Variants in TNPO1 observed in about 807,000 individuals in gnomAD.
The protein encoded by TNPO1 is transportin-1.
TNPO1 carries 8 observed loss-of-function variants against 119.5 expected under a neutral mutation model. That is an observed-to-expected ratio of 0.07 (90% CI 0.04 to 0.12). The LOEUF is 0.12. Among genes scored for constraint, TNPO1 ranks in the 10% least tolerant of loss-of-function variants. The probability of loss-of-function intolerance (pLI) is 1.00; values close to 1 mark genes in which losing one functional copy is unlikely to be tolerated. For synonymous variants in TNPO1, 362 were observed against 363.0 expected (o/e 1.00, Z 0.03); for missense variants, 576 against 1,089.8 (o/e 0.53, Z 6.64).
chr5:72,867,692 A>G (rs927441775), intron 6 of TNPO1, among the ~76,000 whole-genome samples: 5 of 151,972 alleles, frequency 3.3e-5, no homozygotes, highest in African/African-American at 9.7e-5. Context: ...ACATTTCTTG[A>G]TAGATAATTT....
In TNPO1 at chr5:72,910,579, CT is replaced by C. The variant is rs1750494562; in HGVS notation, c.*1911del. Reference sequence around the variant, plus strand: ...AACAAAAATGTTAAGCCATAACAGCCTTTTTATATTTTAGTTTGTCACCTTT... The same window carrying C: ...AACAAAAATGTTAAGCCATAACAGCCTTTTATATTTTAGTTTGTCACCTTT... On this transcript the variant is annotated 3_prime_UTR_variant, in exon 25 of 25. Coordinates refer to ENST00000337273, the MANE Select transcript of TNPO1 (RefSeq NM_002270.4). 1 of 152,526 alleles carries C rather than the reference CT, an allele frequency of 6.6e-6. No homozygotes were observed. 9.4% of individuals were successfully genotyped at this position (152,526 alleles called of 1,614,324 possible). A position where few individuals can be genotyped will look rare whatever the true frequency, so the allele number is the denominator to read the frequency against.
chr5:72,889,697 T>G, intron 13 of TNPO1, 89 bp from the exon 14 acceptor site: 1 of 1,405,744 alleles, frequency 7.1e-7, no homozygotes, highest in Non-Finnish European at 9.5e-7. Flanking sequence ...AATTCCTGAT[T>G]GGGTAAAACA....
intron 1 of TNPO1, chr5:72,848,182 C>G: frequency 8.2e-7 from 1 of 1,213,796 alleles, no homozygotes; most frequent in Non-Finnish European, 1.0e-6. Context: ...CAGACGCTGG[C>G]GGCCGGGCTG....
At chr5:72,891,767 A>T (rs1749078757) in intron 14 of TNPO1, 43 bp from the exon 15 acceptor site, 2 of 1,381,124 alleles carry the variant, frequency 1.4e-6, no homozygotes, top group East Asian at 4.6e-5. Flanking sequence ...TCTTGTTGAC[A>T]TGTGATAGTG....
rs140505488 is a variant in TNPO1, at chr5:72,877,216, T to C, written c.802-12T>C. ...TTTAAACTGACTAATATTAAGGATATTGTGTTTCCAGTACATGCTACAGAG... is the reference window on the plus strand; with the variant it reads ...TTTAAACTGACTAATATTAAGGATACTGTGTTTCCAGTACATGCTACAGAG... On this transcript the variant is annotated splice_polypyrimidine_tract_variant and intron_variant, in intron 8 of 24. Coordinates refer to ENST00000337273, the MANE Select transcript of TNPO1 (RefSeq NM_002270.4). The C allele has an allele frequency of 7.0e-5, 102 of 1,462,384 alleles. No individual in the cohort carries two copies. The highest frequency in any genetic ancestry group is 9.1e-5 in the Non-Finnish European group (95 of 1,046,318). The allele number at this position is 1,462,384 out of a possible 1,614,324, so 90.6% of individuals were successfully genotyped here.
chr5:72,872,753 C>A, intron 7 of TNPO1, 33 bp downstream of exon 7: 1 of 1,506,084 alleles, frequency 6.6e-7, no homozygotes, highest in Non-Finnish European at 9.0e-7. Context: ...TCCCAACCCC[C>A]CAGCTTTTTT....
chr5:72,895,313 G>A (rs1652744684), intron 18 of TNPO1, among the ~76,000 whole-genome samples: 1 of 149,988 alleles, frequency 6.7e-6, no homozygotes, highest in Non-Finnish European at 1.5e-5. Flanking sequence ...CTTTATAGAT[G>A]GTATTGTGTA....
rs180966666 is a variant in TNPO1 at position 72,910,674 on chromosome 5, C to T, written c.*2001C>T. 30 of 152,534 alleles carry T rather than the reference C, an allele frequency of 2.0e-4. No individual in the cohort carries two copies. The highest frequency in any genetic ancestry group is 1.3e-3 in the East Asian group (7 of 5,186). 9.4% of individuals were successfully genotyped at this position (152,534 alleles called of 1,614,324 possible). ...GCTCCTCTTTGCATGGTTCTATTCT[C>T]TAAAAGTGTTGAATGATACAGCCAT... On this transcript the variant is annotated 3_prime_UTR_variant, in exon 25 of 25. Transcript: ENST00000337273.
chr5:72,898,556 T>A (rs1389345024), intron 20 of TNPO1, among the ~76,000 whole-genome samples: 1 of 152,146 alleles, frequency 6.6e-6, no homozygotes, highest in Non-Finnish European at 1.5e-5. Context: ...GTTTTTTAAT[T>A]ATTAAAATCA....
At position 72,912,737 on chromosome 5, in the gene TNPO1, C is replaced by T. The variant is rs190074257; in HGVS notation, c.*4064C>T. ...CCCTATATAAAATTATTCTGCCTAG[C>T]AGAAATGCCAGAAATAAATTAATTG... is the stretch of plus-strand genomic sequence containing the variant. On this transcript the variant is annotated 3_prime_UTR_variant, in exon 25 of 25. Transcript: ENST00000337273. 13 of 152,434 alleles carry T rather than the reference C, an allele frequency of 8.5e-5. No individual in the cohort carries two copies. The East Asian group carries it at 2.5e-3, about 29-fold the overall frequency. The allele number at this position is 152,434 out of a possible 1,614,324, so 9.4% of individuals were successfully genotyped here. A position where few individuals can be genotyped will look rare whatever the true frequency, so the allele number is the denominator to read the frequency against.
At chr5:72,835,249 T>C (rs574105468) in intron 1 of TNPO1, among the ~76,000 whole-genome samples, 5 of 152,384 alleles carry the variant, frequency 3.3e-5, no homozygotes, top group African/African-American at 1.2e-4. Context: ...CACCACTTGG[T>C]TTCCATTTTT....
intron 13 of TNPO1, among the ~76,000 whole-genome samples, chr5:72,889,402 A>G (rs1438593043): frequency 3.3e-5 from 5 of 152,234 alleles, no homozygotes; most frequent in African/African-American, 9.6e-5. Flanking sequence ...TGAAGCAGTC[A>G]TATCTGGAAG....
chr5:72,848,606 C>T (rs1477073629), intron 2 of TNPO1, 108 bp downstream of exon 2: 9 of 479,644 alleles, frequency 1.9e-5, no homozygotes, highest in East Asian at 4.3e-5. Context: ...CCTCCCCCAT[C>T]CTCCGAGACC....
rs1263401363 is a variant in TNPO1 at position 72,875,679 on chromosome 5, T to C, written c.743T>C (p.Val248Ala). 6.2e-7 allele frequency: 1 copy of C among 1,613,498 alleles called. No individual in the cohort carries two copies. Among genetic ancestry groups the C allele is most frequent in the East Asian group, 2.2e-5 (1 of 44,868 alleles). The stretch of plus-strand genomic sequence containing the variant: ...CGGAAAAATGTGTGCCGAGCACTTG[T>C]GATGTTGCTCGAAGTTCGAATGGAT... ...EVRKNVCRAL[V>A]MLLEVRMDRL... The change falls in exon 8 of 25, where the codon GTG (valine) becomes GCG (alanine). Residue 248 changes from valine to alanine, a missense_variant. Physicochemically the swap from Val to Ala is moderately conservative, Grantham distance 64. This residue lies in a region of TNPO1 where 310 missense variants were observed against 583.0 expected (regional missense o/e 0.53). Transcript: ENST00000337273.
At chr5:72,834,984 G>A (rs1185235043) in intron 1 of TNPO1, among the ~76,000 whole-genome samples, 1 of 151,428 alleles carries the variant, frequency 6.6e-6, no homozygotes. Context: ...TGTTACCATT[G>A]CCTGCAGTAT....
At chr5:72,891,005 C>CA (rs1030060726) in intron 14 of TNPO1, among the ~76,000 whole-genome samples, 1 of 152,022 alleles carries the variant, frequency 6.6e-6, no homozygotes, top group Non-Finnish European at 1.5e-5. Context: ...AGGCGTGTAC[C>CA]ACCATTCCTG....
At chr5:72,892,560 A>C (rs1749139546) in intron 15 of TNPO1, among the ~76,000 whole-genome samples, 1 of 152,162 alleles carries the variant, frequency 6.6e-6, no homozygotes, top group Non-Finnish European at 1.5e-5. Context: ...GTCGTCCCTC[A>C]GTATCTGCAG....
At chr5:72,861,476 A>T (rs1378894648) in intron 4 of TNPO1, among the ~76,000 whole-genome samples, 1 of 152,134 alleles carries the variant, frequency 6.6e-6, no homozygotes, top group Non-Finnish European at 1.5e-5. Flanking sequence ...GTCATGGCTC[A>T]CTGCAGCCTC....
At chr5:72,868,159 G>A (rs891875748) in intron 6 of TNPO1, among the ~76,000 whole-genome samples, 11 of 152,162 alleles carry the variant, frequency 7.2e-5, no homozygotes, top group Admixed American at 6.5e-5. Context: ...ATGGCCGGGC[G>A]CGGTGGCTCA....
Sources: gnomAD v4.1 joint callset for allele counts (sites outside exome capture counted in the v4.1 genomes callset) on GRCh38, gnomAD v4.1.1 for gene constraint, gnomAD v4.1.1 regional missense constraint, MANE v1.5 for transcripts, NCBI Gene and HGNC (gene_info 2026-07-23, HGNC 2026-07-21) for gene names.